Variants in CERS3 observed in about 807,000 individuals in gnomAD.
CERS3 encodes the protein LAG1 homolog, ceramide synthase 3.
A neutral mutation model predicts 50.3 loss-of-function variants in CERS3; 33 were observed. The observed-to-expected ratio is 0.66, with a 90% confidence interval of 0.50 to 0.88. The LOEUF is 0.88. Ranked by LOEUF, CERS3 falls within the 40% of genes least tolerant of loss-of-function variation. The pLI is 0.00. For missense variants in CERS3, 470 were observed against 460.3 expected (o/e 1.02, Z -0.19); for synonymous variants, 176 against 155.2 (o/e 1.13, Z -0.99).
chr15:100,482,611 T>A (rs144904556), intron 5 of CERS3, among the ~76,000 whole-genome samples: 3,137 of 79,994 alleles, frequency 0.039, 124 homozygotes, highest in African/African-American at 0.13. Flanking sequence ...TTTTTTTTTT[T>A]AAAAAAAAGG....
At chr15:100,418,448 C>T (rs1367513966) in intron 11 of CERS3, among the ~76,000 whole-genome samples, 3 of 149,798 alleles carry the variant, frequency 2.0e-5, no homozygotes, top group Middle Eastern at 3.4e-3. Context: ...ACCAAATCTA[C>T]GTCTGATTGG....
intron 1 of CERS3, among the ~76,000 whole-genome samples, chr15:100,524,561 G>A (rs548804470): frequency 1.3e-5 from 2 of 152,180 alleles, no homozygotes; most frequent in African/African-American, 2.4e-5. Context: ...ACCCAAAGTG[G>A]AATATAGTAA....
At chr15:100,428,624 T>C (rs1018979200) in intron 11 of CERS3, among the ~76,000 whole-genome samples, 2 of 152,232 alleles carry the variant, frequency 1.3e-5, no homozygotes, top group African/African-American at 4.8e-5. Context: ...AGGCCAAAAC[T>C]GCTCCAGTTG....
At chr15:100,544,554 G>C (rs1490920919) in intron 1 of CERS3, 1 of 149,924 alleles carries the variant, frequency 6.7e-6, no homozygotes, top group Non-Finnish European at 1.5e-5. Flanking sequence ...CCTGCGGGGG[G>C]CGCGGTCGGG....
At chr15:100,542,026 T>C (rs1174002953) in intron 1 of CERS3, among the ~76,000 whole-genome samples, 1 of 152,196 alleles carries the variant, frequency 6.6e-6, no homozygotes, top group Non-Finnish European at 1.5e-5. Context: ...GTCCATACTT[T>C]CAGCTATTTA....
chr15:100,403,668 C>G (rs1456204761), intron 11 of CERS3, among the ~76,000 whole-genome samples: 2 of 152,186 alleles, frequency 1.3e-5, no homozygotes, highest in Non-Finnish European at 2.9e-5. Flanking sequence ...TTCTCAAAAA[C>G]TACAAACTAC....
intron 11 of CERS3, among the ~76,000 whole-genome samples, chr15:100,405,846 T>C (rs2030984737): frequency 6.6e-6 from 1 of 152,236 alleles, no homozygotes; most frequent in Non-Finnish European, 1.5e-5. Context: ...ATAAAACTTA[T>C]AAGGATTTCT....
intron 11 of CERS3, among the ~76,000 whole-genome samples, chr15:100,423,096 AT>A (rs560278125): frequency 0.06 from 1,886 of 31,538 alleles, 52 homozygotes; most frequent in African/African-American, 0.16. Flanking sequence ...TAAAAAAAAA[AT>A]GTTAAAAAAA....
chr15:100,514,888 T>A (rs934836757), intron 2 of CERS3, among the ~76,000 whole-genome samples: 3 of 152,226 alleles, frequency 2.0e-5, no homozygotes, highest in African/African-American at 7.2e-5. Context: ...TGATTCAACA[T>A]TAGGAAAACT....
At chr15:100,507,314 T>A (rs565830252) in intron 2 of CERS3, among the ~76,000 whole-genome samples, 5 of 152,250 alleles carry the variant, frequency 3.3e-5, no homozygotes, top group African/African-American at 1.2e-4. Flanking sequence ...CATAAGCCAA[T>A]ATTTCAGCTC....
rs555362327 is a variant in CERS3, at chr15:100,438,798, G to A, written c.999+17095C>T. ...GTGTCTGCATGCTACAGTTCCCCCC[G>A]CACGTCTTGACTACTCACCAGCACA... On this transcript the variant is annotated intron_variant, in intron 11 of 11. Coordinates refer to ENST00000679737, the MANE Select transcript of CERS3 (RefSeq NM_001378789.1). Among the ~76,000 whole-genome samples, 22 of 152,332 alleles carry A rather than the reference G, an allele frequency of 1.4e-4. 1 individual carries two copies. The highest frequency in any genetic ancestry group is 6.2e-4 in the South Asian group (3 of 4,830).
chr15:100,407,909 T>C (rs1315834011), intron 11 of CERS3, among the ~76,000 whole-genome samples: 1 of 152,214 alleles, frequency 6.6e-6, no homozygotes, highest in Non-Finnish European at 1.5e-5. Flanking sequence ...TTTGTTCTTG[T>C]TGCCCAGGCT....
chr15:100,542,388 A>G (rs996418768), intron 1 of CERS3, among the ~76,000 whole-genome samples: 2 of 152,224 alleles, frequency 1.3e-5, no homozygotes, highest in South Asian at 2.1e-4. Flanking sequence ...AATCATGCGT[A>G]TTTTCATGGT....
intron 10 of CERS3, among the ~76,000 whole-genome samples, chr15:100,462,420 T>C (rs2034578864): frequency 6.6e-6 from 1 of 152,242 alleles, no homozygotes; most frequent in African/African-American, 2.4e-5. Context: ...GTAAGGGTCT[T>C]ATTTTCTTGC....
At chr15:100,482,005 T>C (rs2035316925) in intron 5 of CERS3, among the ~76,000 whole-genome samples, 1 of 152,216 alleles carries the variant, frequency 6.6e-6, no homozygotes, top group Admixed American at 6.5e-5. Flanking sequence ...TCCTGTTTTA[T>C]AAATATCTCA....
intron 10 of CERS3, among the ~76,000 whole-genome samples, chr15:100,464,390 G>A (rs748534108): frequency 8.5e-5 from 13 of 152,094 alleles, no homozygotes; most frequent in Non-Finnish European, 1.5e-4. Context: ...TGTACTGTTC[G>A]TAACACCCAG....
chr15:100,533,881 A>T (rs537781281), upstream of CERS3, among the ~76,000 whole-genome samples: 1 of 152,176 alleles, frequency 6.6e-6, no homozygotes, highest in Non-Finnish European at 1.5e-5. Flanking sequence ...CAAAACTTGA[A>T]GTCAGTATGC....
intron 1 of CERS3, among the ~76,000 whole-genome samples, chr15:100,543,652 C>A (rs1198509451): frequency 6.6e-6 from 1 of 152,084 alleles, no homozygotes; most frequent in African/African-American, 2.4e-5. Context: ...GCCTCAGCCT[C>A]CCCAGTAGCT....
rs565126214 is a variant in CERS3, at chr15:100,423,041, C to T, written c.1000-20176G>A. Among the ~76,000 whole-genome samples the T allele has an allele frequency of 1.1e-3, 159 of 147,802 alleles. 1 individual carries two copies. Among genetic ancestry groups the T allele is most frequent in the South Asian group, 1.9e-3 (9 of 4,710 alleles). ...GCATGGCACATGTATACATATGTAA[C>T]TAACCTGCACATTGTGCACATGTAC... On this transcript the variant is annotated intron_variant, in intron 11 of 11. Transcript: ENST00000679737.
Sources: allele counts gnomAD v4.1 joint callset (sites outside exome capture counted in the v4.1 genomes callset), GRCh38; gene constraint gnomAD v4.1.1; transcripts MANE v1.5; gene names NCBI Gene and HGNC (gene_info 2026-07-23, HGNC 2026-07-21).